ADARB2: variants seen among roughly 807,000 people sequenced by gnomAD.
ADARB2 encodes the protein adenosine deaminase RNA specific B2 (inactive).
In ADARB2, 25 loss-of-function variants were observed where a neutral mutation model predicts 62.2. The observed-to-expected ratio is 0.40, with a 90% CI of 0.29 to 0.56. The LOEUF (loss-of-function observed/expected upper bound fraction) is 0.56. ADARB2 is among the 20% of genes least tolerant of loss of function. ADARB2 has a pLI of 0.43. For missense variants in ADARB2, 1,071 were observed against 1,077.4 expected (o/e 0.99, Z 0.08); for synonymous variants, 572 against 500.8 (o/e 1.14, Z -1.90).
In ADARB2 at chr10:1,535,180, C is replaced by T. The variant is rs571192084; in HGVS notation, c.101-156020G>A. 9.2e-5 allele frequency among the ~76,000 whole-genome samples: 14 copies of T among 152,304 alleles called. No individual in the cohort carries two copies. The South Asian group carries it at 2.3e-3, about 25-fold the overall frequency. ...ATGGTGAGGGAGGTTCCCACGGTCA[C>T]GCGTGTGCTGGGATTCTGCTCTTTA... On this transcript the variant is annotated intron_variant, in intron 1 of 9. Transcript: ENST00000381312.
At chr10:1,433,389 A>C (rs1034342689) in intron 1 of ADARB2, among the ~76,000 whole-genome samples, 6 of 152,202 alleles carry the variant, frequency 3.9e-5, no homozygotes, top group Non-Finnish European at 8.8e-5. Flanking sequence ...AAGTGATCTC[A>C]GGGAAGAATA....
chr10:1,206,621 C>T (rs1421639973), intron 7 of ADARB2, among the ~76,000 whole-genome samples: 14 of 152,288 alleles, frequency 9.2e-5, no homozygotes, highest in Middle Eastern at 3.4e-3. Flanking sequence ...TCACTCAGCC[C>T]GGGGACCTTT....
At chr10:1,338,168 A>G (rs1236743081) in intron 3 of ADARB2, among the ~76,000 whole-genome samples, 1 of 152,258 alleles carries the variant, frequency 6.6e-6, no homozygotes, top group Non-Finnish European at 1.5e-5. Flanking sequence ...TTCGTTAAAA[A>G]TAGGGAGTGT....
intron 1 of ADARB2, among the ~76,000 whole-genome samples, chr10:1,573,284 G>C (rs180693401): frequency 2.0e-5 from 3 of 152,146 alleles, no homozygotes; most frequent in Non-Finnish European, 4.4e-5. Flanking sequence ...CCCCGGTGGG[G>C]CTGTCACCGG....
chr10:1,347,654 C>G (rs1832092740), intron 3 of ADARB2, among the ~76,000 whole-genome samples: 1 of 152,188 alleles, frequency 6.6e-6, no homozygotes, highest in Non-Finnish European at 1.5e-5. Flanking sequence ...GCTACGAGAC[C>G]CTCAGTAAGA....
chr10:1,683,656 G>A (rs187349036), intron 1 of ADARB2, among the ~76,000 whole-genome samples: 1 of 152,238 alleles, frequency 6.6e-6, no homozygotes, highest in Admixed American at 6.5e-5. Flanking sequence ...AGTCAGAGCG[G>A]GTCATGGCAA....
intron 1 of ADARB2, among the ~76,000 whole-genome samples, chr10:1,556,369 G>A (rs1832702853): frequency 6.6e-6 from 1 of 151,212 alleles, no homozygotes; most frequent in Non-Finnish European, 1.5e-5. Flanking sequence ...TTGGATTTGT[G>A]TTTCCACTTT....
chr10:1,633,257 G>A (rs1359798172), intron 1 of ADARB2, among the ~76,000 whole-genome samples: 1 of 152,142 alleles, frequency 6.6e-6, no homozygotes, highest in Non-Finnish European at 1.5e-5. Flanking sequence ...TAGCCTCCAT[G>A]ATCACATGAG....
intron 8 of ADARB2, among the ~76,000 whole-genome samples, chr10:1,195,429 T>C (rs561699115): frequency 6.6e-6 from 1 of 150,830 alleles, no homozygotes; most frequent in Non-Finnish European, 1.5e-5. Flanking sequence ...TAAGGGTCTT[T>C]AGTCCCTTGT....
chr10:1,205,953 C>T (rs1248927299), intron 7 of ADARB2, among the ~76,000 whole-genome samples: 2 of 134,396 alleles, frequency 1.5e-5, no homozygotes, highest in Admixed American at 7.6e-5. Flanking sequence ...GGTGGGGTCA[C>T]GGGGCAGCCC....
chr10:1,550,863 G>T (rs1372762022), intron 1 of ADARB2, among the ~76,000 whole-genome samples: 1 of 131,938 alleles, frequency 7.6e-6, no homozygotes, highest in African/African-American at 2.6e-5. Flanking sequence ...CCAGGCCGCC[G>T]TGCGAGCCCT....
chr10:1,296,670 A>C (rs1316612258), intron 3 of ADARB2, among the ~76,000 whole-genome samples: 1 of 152,122 alleles, frequency 6.6e-6, no homozygotes, highest in Non-Finnish European at 1.5e-5. Flanking sequence ...GCATCTTTCT[A>C]TCCACAACAT....
intron 2 of ADARB2, among the ~76,000 whole-genome samples, chr10:1,365,716 A>G (rs941656675): frequency 4.6e-5 from 7 of 152,252 alleles, no homozygotes; most frequent in African/African-American, 1.7e-4. Context: ...AGCTTCGGGC[A>G]AGAATAAAGA....
At chr10:1,676,608 C>T (rs1302654790) in intron 1 of ADARB2, among the ~76,000 whole-genome samples, 1 of 152,126 alleles carries the variant, frequency 6.6e-6, no homozygotes, top group African/African-American at 2.4e-5. Flanking sequence ...CCTCCTACCT[C>T]GGCCTCTGGA....
At chr10:1,341,806 C>T (rs901746025) in intron 3 of ADARB2, among the ~76,000 whole-genome samples, 5 of 152,102 alleles carry the variant, frequency 3.3e-5, no homozygotes, top group African/African-American at 9.7e-5. Flanking sequence ...CAGAGAACCA[C>T]GTGCCCCAAA....
intron 6 of ADARB2, among the ~76,000 whole-genome samples, chr10:1,220,018 G>T (rs1564225113): frequency 7.0e-6 from 1 of 143,794 alleles, no homozygotes; most frequent in African/African-American, 2.6e-5. Context: ...AATGGTGATG[G>T]TGATGATGGT....
chr10:1,623,358 G>A (rs894331609), intron 1 of ADARB2, among the ~76,000 whole-genome samples: 11 of 152,226 alleles, frequency 7.2e-5, no homozygotes, highest in African/African-American at 2.4e-4. Context: ...ATGGAAGCAT[G>A]TCAGTAATGC....
chr10:1,557,469 G>A (rs1474312224), intron 1 of ADARB2, among the ~76,000 whole-genome samples: 1 of 152,212 alleles, frequency 6.6e-6, no homozygotes, highest in Non-Finnish European at 1.5e-5. Flanking sequence ...CACGCTTCCC[G>A]CCAGTCCAGC....
intron 4 of ADARB2, among the ~76,000 whole-genome samples, chr10:1,263,213 A>G (rs1018274922): frequency 6.6e-6 from 1 of 152,038 alleles, no homozygotes; most frequent in African/African-American, 2.4e-5. Context: ...GCACACCAAC[A>G]TGGCACATGT....
Sources: gnomAD v4.1 joint callset for allele counts (sites outside exome capture counted in the v4.1 genomes callset) on GRCh38, gnomAD v4.1.1 for gene constraint, MANE v1.5 for transcripts, NCBI Gene and HGNC (gene_info 2026-07-23, HGNC 2026-07-21) for gene names.